CNTN6: variants seen among roughly 807,000 people sequenced by gnomAD.
The protein encoded by CNTN6 is contactin 6.
Under a neutral mutation model 122.8 loss-of-function variants are expected in CNTN6, and 137 were observed. The ratio of observed to expected loss-of-function variants is 1.12; its 90% confidence interval spans 0.97 to 1.29. The LOEUF is 1.29. Among genes scored for constraint, CNTN6 ranks in the 50% most tolerant of loss-of-function variants. CNTN6 has a pLI of 0.00. For missense variants in CNTN6, 1,634 were observed against 1,223.4 expected, an observed-to-expected ratio of 1.34 and a Z score of -5.01; for synonymous variants, 570 against 426.0, an observed-to-expected ratio of 1.34 and a Z score of -4.16.
intron 7 of CNTN6, among the ~76,000 whole-genome samples, chr3:1,310,089 T>G (rs1575645848): frequency 1.4e-5 from 2 of 142,922 alleles, no homozygotes; most frequent in Admixed American, 1.3e-4. Flanking sequence ...TTCCTTCTTT[T>G]CAATCTATAT....
rs535740444 is a variant in CNTN6 at position 1,396,458 on chromosome 3, G to A, written c.2705-4975G>A. Among the ~76,000 whole-genome samples, 14 of 152,284 alleles carry A rather than the reference G, an allele frequency of 9.2e-5. No homozygotes were observed. The South Asian group carries it at 2.9e-3, about 32-fold the overall frequency. The stretch of plus-strand genomic sequence containing the variant: ...AATTGTGGATATGGATCCCTGCTCA[G>A]CCATGTACTATCTGTGTGCCAGATC... On this transcript the variant is annotated intron_variant, in intron 20 of 22. Coordinates refer to ENST00000446702, the MANE Select transcript of CNTN6 (RefSeq NM_001289080.2).
chr3:1,298,528 T>G (rs1696667312), intron 7 of CNTN6, among the ~76,000 whole-genome samples: 1 of 152,140 alleles, frequency 6.6e-6, no homozygotes, highest in Non-Finnish European at 1.5e-5. Context: ...CTCAGATAAG[T>G]ATTTATTAGG....
At chr3:1,100,072 G>C (rs1481418319) in intron 1 of CNTN6, among the ~76,000 whole-genome samples, 1 of 151,872 alleles carries the variant, frequency 6.6e-6, no homozygotes, top group Non-Finnish European at 1.5e-5. Context: ...CAATATTTTT[G>C]TCAAGGTTTT....
At chr3:1,311,642 G>A (rs774884165) in intron 7 of CNTN6, among the ~76,000 whole-genome samples, 15 of 150,040 alleles carry the variant, frequency 1.0e-4, no homozygotes, top group South Asian at 2.1e-4. Flanking sequence ...GAAAATATAG[G>A]CAAGAAAAAA....
chr3:1,262,614 G>C (rs1294153276), intron 4 of CNTN6, among the ~76,000 whole-genome samples: 2 of 151,458 alleles, frequency 1.3e-5, no homozygotes, highest in East Asian at 1.9e-4. Flanking sequence ...CATTGTAGCA[G>C]AAATTGAAAT....
At chr3:1,279,890 G>A (rs1693064841) in intron 5 of CNTN6, among the ~76,000 whole-genome samples, 1 of 152,086 alleles carries the variant, frequency 6.6e-6, no homozygotes, top group Non-Finnish European at 1.5e-5. Context: ...AGAGTATTAT[G>A]GCATTATATT....
At chr3:1,302,486 GA>G (rs779883905) in intron 7 of CNTN6, among the ~76,000 whole-genome samples, 3 of 152,090 alleles carry the variant, frequency 2.0e-5, no homozygotes, top group African/African-American at 7.2e-5. Context: ...ATAGATGGGG[GA>G]AAGAGAGAGA....
chr3:1,153,035 A>C (rs149629279), intron 2 of CNTN6, among the ~76,000 whole-genome samples: 1 of 152,344 alleles, frequency 6.6e-6, no homozygotes, highest in East Asian at 1.9e-4. Flanking sequence ...TACTATTTAA[A>C]TGGTAGTTTA....
intron 4 of CNTN6, among the ~76,000 whole-genome samples, chr3:1,270,976 C>T (rs1248824693): frequency 6.6e-6 from 1 of 152,208 alleles, no homozygotes; most frequent in Non-Finnish European, 1.5e-5. Flanking sequence ...GTTGTGCGAT[C>T]TTGGCTCACT....
At chr3:1,268,532 G>C (rs1471489641) in intron 4 of CNTN6, among the ~76,000 whole-genome samples, 1 of 147,686 alleles carries the variant, frequency 6.8e-6, no homozygotes, top group Non-Finnish European at 1.5e-5. Context: ...GCGTGAACCC[G>C]GGAGGAGGAG....
intron 1 of CNTN6, among the ~76,000 whole-genome samples, chr3:1,146,759 T>G (rs888734495): frequency 2.0e-5 from 3 of 152,066 alleles, no homozygotes; most frequent in African/African-American, 7.2e-5. Context: ...AATAAATAAA[T>G]GCTTATGAAA....
chr3:1,166,564 A>C (rs1386735897), intron 2 of CNTN6, among the ~76,000 whole-genome samples: 3 of 152,220 alleles, frequency 2.0e-5, no homozygotes, highest in Non-Finnish European at 2.9e-5. Flanking sequence ...CATCTCATCC[A>C]GATGACAGAT....
At chr3:1,366,404 G>C (rs2126120696) in intron 12 of CNTN6, among the ~76,000 whole-genome samples, 1 of 152,166 alleles carries the variant, frequency 6.6e-6, no homozygotes, top group East Asian at 1.9e-4. Flanking sequence ...GTGTCGATGA[G>C]CCTCGAGTAA....
intron 22 of CNTN6, 62 bp from the exon 23 acceptor site, chr3:1,403,252 GAAAA>G: frequency 9.4e-7 from 1 of 1,062,732 alleles, no homozygotes; most frequent in Non-Finnish European, 1.4e-6. Flanking sequence ...TTGGGGTTTT[GAAAA>G]ATTAATCTAA....
chr3:1,101,284 A>T (rs1262576467), intron 1 of CNTN6, among the ~76,000 whole-genome samples: 1 of 152,154 alleles, frequency 6.6e-6, no homozygotes, highest in African/African-American at 2.4e-5. Flanking sequence ...TTGGGAGGTT[A>T]TTCCAACTTT....
chr3:1,303,560 T>C lies in CNTN6; in HGVS notation c.761+5569T>C, dbSNP rs77949700. Among the ~76,000 whole-genome samples, 60 of 152,312 alleles carry C rather than the reference T, an allele frequency of 3.9e-4. 1 individual carries two copies. In the East Asian group the frequency reaches 9.8e-3, roughly 25 times the overall value. On this transcript the variant is annotated intron_variant, in intron 7 of 22. Transcript: ENST00000446702. ...CTAAATAGCATCTAAAGCTTGCCGT[T>C]ATTTCAGCTGTAATTCTCTGCACTG... is the stretch of plus-strand genomic sequence containing the variant.
At chr3:1,179,437 A>T (rs2093514712) in intron 2 of CNTN6, among the ~76,000 whole-genome samples, 1 of 152,124 alleles carries the variant, frequency 6.6e-6, no homozygotes, top group African/African-American at 2.4e-5. Flanking sequence ...TGGTAAGAGG[A>T]GCATTGCTGT....
chr3:1,178,500 A>C (rs535655386), intron 2 of CNTN6, among the ~76,000 whole-genome samples: 1 of 152,300 alleles, frequency 6.6e-6, no homozygotes, highest in South Asian at 2.1e-4. Context: ...TAGAGCTTCA[A>C]TATATGAATT....
chr3:1,280,344 G>T (rs547158147), intron 5 of CNTN6, among the ~76,000 whole-genome samples: 1 of 151,854 alleles, frequency 6.6e-6, no homozygotes, highest in South Asian at 2.1e-4. Context: ...AACAGCGCCC[G>T]TGGGGTCGAT....
Sources: gnomAD v4.1 joint callset for allele counts (sites outside exome capture counted in the v4.1 genomes callset) on GRCh38, gnomAD v4.1.1 for gene constraint, MANE v1.5 for transcripts, NCBI Gene and HGNC (gene_info 2026-07-23, HGNC 2026-07-21) for gene names.